Variants in PPARGC1A observed in about 807,000 individuals in gnomAD.
The protein encoded by PPARGC1A is PPARG coactivator 1 alpha, also known as peroxisome proliferator-activated receptor gamma coactivator 1-alpha.
PPARGC1A carries 25 observed loss-of-function variants against 88.7 expected under a neutral mutation model. The ratio of observed to expected loss-of-function variants is 0.28; its 90% CI spans 0.21 to 0.39. PPARGC1A has a LOEUF of 0.39. PPARGC1A is among the 10% of genes least tolerant of loss of function. The pLI is 1.00. For synonymous variants in PPARGC1A, 363 were observed against 355.6 expected, an observed-to-expected ratio of 1.02 and a Z score of -0.24; for missense variants, 880 against 968.7, an observed-to-expected ratio of 0.91 and a Z score of 1.22.
chr4:24,436,350 C>T, the PPARGC1A span, among the ~76,000 whole-genome samples: 6 of 152,250 alleles, frequency 3.9e-5, no homozygotes. Flanking sequence ...TGTGGCTCGA[C>T]ACAGCACCGC....
At chr4:24,122,448 G>T in the PPARGC1A span, among the ~76,000 whole-genome samples, 119 of 150,646 alleles carry the variant, frequency 7.9e-4, 1 homozygote, top group African/African-American at 2.8e-3. Context: ...GAGAGAGAGA[G>T]AGAGAGAGAG....
the PPARGC1A span, among the ~76,000 whole-genome samples, chr4:24,181,979 C>A: frequency 6.6e-6 from 1 of 151,918 alleles, no homozygotes; most frequent in African/African-American, 2.4e-5. Flanking sequence ...CAGTTCTTGG[C>A]ACCTCACTTT....
chr4:24,191,468 C>T, the PPARGC1A span, among the ~76,000 whole-genome samples: 4 of 152,146 alleles, frequency 2.6e-5, no homozygotes, highest in Non-Finnish European at 4.4e-5. Flanking sequence ...TTCCATTATA[C>T]GATAATGTCT....
chr4:24,195,774 T>C, the PPARGC1A span, among the ~76,000 whole-genome samples: 8,867 of 152,312 alleles, frequency 0.058, 325 homozygotes, highest in South Asian at 0.11. Context: ...TCGCTATCCT[T>C]ATTTTTGTGT....
chr4:24,324,937 C>T, the PPARGC1A span, among the ~76,000 whole-genome samples: 3 of 152,270 alleles, frequency 2.0e-5, no homozygotes, highest in Admixed American at 1.3e-4. Context: ...TCAGCCTCCG[C>T]TCCTCCACCC....
chr4:24,436,425 G>T, the PPARGC1A span, among the ~76,000 whole-genome samples: 1 of 152,306 alleles, frequency 6.6e-6, no homozygotes, highest in African/African-American at 2.4e-5. Context: ...CCATCCCATA[G>T]CCCTGGTCAC....
chr4:24,393,419 T>G, the PPARGC1A span, among the ~76,000 whole-genome samples: 11 of 152,272 alleles, frequency 7.2e-5, no homozygotes, highest in South Asian at 1.5e-3. Context: ...CACAGGCATA[T>G]GAATATAGCC....
At chr4:24,182,170 C>T in the PPARGC1A span, among the ~76,000 whole-genome samples, 362 of 152,236 alleles carry the variant, frequency 2.4e-3, no homozygotes, top group South Asian at 7.2e-3. Flanking sequence ...CGACAGGCTT[C>T]GGTGTGTGAT....
At chr4:24,417,926 G>A in the PPARGC1A span, among the ~76,000 whole-genome samples, 1 of 151,944 alleles carries the variant, frequency 6.6e-6, no homozygotes, top group Admixed American at 6.6e-5. Context: ...ACTTTTTAAA[G>A]TGAAATGACT....
the PPARGC1A span, among the ~76,000 whole-genome samples, chr4:24,047,762 A>G: frequency 6.6e-6 from 1 of 152,210 alleles, no homozygotes; most frequent in Non-Finnish European, 1.5e-5. Context: ...CTCAGGCCAT[A>G]GTGAAGCCTA....
chr4:23,900,483 T>G (rs1719206178), upstream of PPARGC1A, among the ~76,000 whole-genome samples: 1 of 152,180 alleles, frequency 6.6e-6, no homozygotes, highest in African/African-American at 2.4e-5. Context: ...ATGGCTCATG[T>G]TAAGGTTAAA....
chr4:24,371,503 A>G, the PPARGC1A span, among the ~76,000 whole-genome samples: 1 of 152,030 alleles, frequency 6.6e-6, no homozygotes, highest in Non-Finnish European at 1.5e-5. Context: ...ACCCCCAGCC[A>G]CTGTCTTCTC....
the PPARGC1A span, among the ~76,000 whole-genome samples, chr4:24,317,586 A>C: frequency 1.3e-4 from 18 of 140,892 alleles, no homozygotes; most frequent in African/African-American, 4.2e-4. Flanking sequence ...AAAAAAAAAA[A>C]AAAAAAAAAA....
At chr4:23,978,657 C>A in the PPARGC1A span, among the ~76,000 whole-genome samples, 1 of 152,142 alleles carries the variant, frequency 6.6e-6, no homozygotes, top group South Asian at 2.1e-4. Flanking sequence ...GTGCACCCTG[C>A]CACTTCATTT....
chr4:23,796,028 CA>C, intron 12 of PPARGC1A, 103 bp from the exon 13 acceptor site: 1 of 801,136 alleles, frequency 1.2e-6, no homozygotes, highest in Non-Finnish European at 2.1e-6. Flanking sequence ...CTCTTCCAAT[CA>C]ATATACTTTA....
chr4:24,223,209 A>C, the PPARGC1A span, among the ~76,000 whole-genome samples: 1 of 151,868 alleles, frequency 6.6e-6, no homozygotes, highest in Admixed American at 6.6e-5. Flanking sequence ...TATACATATT[A>C]TAAATTGCTT....
chr4:24,314,458 A>G, the PPARGC1A span, among the ~76,000 whole-genome samples: 2 of 152,180 alleles, frequency 1.3e-5, no homozygotes, highest in Non-Finnish European at 2.9e-5. Context: ...AATGCCATCT[A>G]TAAGGAATGG....
In PPARGC1A at chr4:23,828,720, G is replaced by C. The variant is rs1197178886; in HGVS notation, c.553-116C>G. The C allele has an allele frequency of 7.0e-6, 6 of 857,656 alleles. No individual in the cohort carries two copies. In the African/African-American group the frequency reaches 1.0e-4, roughly 15 times the overall value. 53.1% of individuals were successfully genotyped at this position (857,656 alleles called of 1,614,324 possible). ...TGAAGTGTTCAGTCTAAGTGTACTA[G>C]ATCTATGAGCTGTGAATAACTGTTT... On this transcript the variant is annotated intron_variant, in intron 4 of 12. Transcript: ENST00000264867.
chr4:24,038,786 A>C, the PPARGC1A span, among the ~76,000 whole-genome samples: 1 of 152,138 alleles, frequency 6.6e-6, no homozygotes, highest in Non-Finnish European at 1.5e-5. Context: ...TTTCTATTTA[A>C]ACTTTGTAAG....
Sources: gnomAD v4.1 joint callset for allele counts (sites outside exome capture counted in the v4.1 genomes callset) on GRCh38, gnomAD v4.1.1 for gene constraint, MANE v1.5 for transcripts, NCBI Gene and HGNC (gene_info 2026-07-23, HGNC 2026-07-21) for gene names.